Variants in TRAP1 observed in about 807,000 individuals in gnomAD.
TRAP1 encodes the protein TNF receptor associated protein 1, also known as heat shock protein 75 kDa, mitochondrial.
TRAP1 carries 102 observed loss-of-function variants against 89.1 expected under a neutral mutation model. The observed-to-expected ratio is 1.15, with a 90% CI of 0.98 to 1.35. The LOEUF (loss-of-function observed/expected upper bound fraction) is 1.35, where lower values mean the gene tolerates loss of function less well. Ranked by LOEUF, TRAP1 falls within the 40% of genes most tolerant of loss-of-function variation. TRAP1 has a pLI of 0.00. For synonymous variants in TRAP1, 508 were observed against 388.0 expected (o/e 1.31, Z -3.64); for missense variants, 1,256 against 945.3 (o/e 1.33, Z -4.31).
intron 1 of TRAP1, among the ~76,000 whole-genome samples, chr16:3,698,495 G>A (rs1023267009): frequency 1.3e-5 from 2 of 151,646 alleles, no homozygotes; most frequent in Non-Finnish European, 2.9e-5. Flanking sequence ...GTAGAGATGG[G>A]GTTTCACCGT....
chr16:3,710,879 ATT>A (rs1181110685), intron 1 of TRAP1, among the ~76,000 whole-genome samples: 90 of 125,786 alleles, frequency 7.2e-4, no homozygotes, highest in East Asian at 1.2e-3. Flanking sequence ...ATATATATAT[ATT>A]TTTTTTTTTG....
At chr16:3,711,497 G>A (rs1469954205) in intron 1 of TRAP1, among the ~76,000 whole-genome samples, 1 of 152,062 alleles carries the variant, frequency 6.6e-6, no homozygotes, top group Admixed American at 6.6e-5. Flanking sequence ...TACTTGGGAG[G>A]CTGAGGCAGG....
At chr16:3,677,400 T>C in intron 6 of TRAP1, 98 bp downstream of exon 6, 1 of 1,489,122 alleles carries the variant, frequency 6.7e-7, no homozygotes. Context: ...GCCCAGAAAA[T>C]GCCTGTGTAC....
At position 3,659,054 on chromosome 16, in the gene TRAP1, G is replaced by GT. The variant is rs1348666718; in HGVS notation, c.1941-190dup. On this transcript the variant is annotated intron_variant, in intron 16 of 17. Coordinates refer to ENST00000246957, the MANE Select transcript of TRAP1 (RefSeq NM_016292.3). ...CCCAGAAAACCCAAGAGAATCAGGAGTGTCAGTATTAGAAAATGCTGTAAG... is the reference window on the plus strand; with the variant it reads ...CCCAGAAAACCCAAGAGAATCAGGAGTTGTCAGTATTAGAAAATGCTGTAAG... 8.3e-6 allele frequency: 5 copies of GT among 603,412 alleles called. No homozygotes were observed. The African/African-American group carries it at 9.4e-5, about 11-fold the overall frequency. The allele number at this position is 603,412 out of a possible 1,614,324, so 37.4% of individuals were successfully genotyped here.
chr16:3,697,447 G>A (rs190573103), intron 1 of TRAP1, among the ~76,000 whole-genome samples: 6 of 152,008 alleles, frequency 3.9e-5, no homozygotes, highest in Non-Finnish European at 7.4e-5. Flanking sequence ...GGAGGATCAC[G>A]AGGTCAGGAG....
intron 1 of TRAP1, among the ~76,000 whole-genome samples, chr16:3,696,206 AC>A (rs2051285163): frequency 6.6e-6 from 1 of 151,984 alleles, no homozygotes; most frequent in South Asian, 2.1e-4. Flanking sequence ...GTTTGTGAAT[AC>A]CTCTCTCCAA....
chr16:3,717,385 G>T, intron 1 of TRAP1, 36 bp downstream of exon 1: 2 of 928,684 alleles, frequency 2.2e-6, no homozygotes, highest in Middle Eastern at 3.9e-4. Flanking sequence ...CCGTGGCCCG[G>T]CCCGCCCGCT....
intron 2 of TRAP1, among the ~76,000 whole-genome samples, chr16:3,690,371 C>G (rs1190615351): frequency 6.6e-6 from 1 of 152,144 alleles, no homozygotes; most frequent in African/African-American, 2.4e-5. Flanking sequence ...GAAAACCTCA[C>G]TTCTCTTTTT....
At chr16:3,683,191 C>T (rs2051095488) in intron 4 of TRAP1, among the ~76,000 whole-genome samples, 1 of 151,656 alleles carries the variant, frequency 6.6e-6, no homozygotes, top group Admixed American at 6.6e-5. Context: ...TCTTCCCGGT[C>T]ATCAAAAACA....
rs988475010 is a variant in TRAP1 at position 3,686,255 on chromosome 16, G to C, written c.331-119C>G. On this transcript the variant is annotated intron_variant, in intron 3 of 17. Transcript: ENST00000246957. Reference sequence around the variant, plus strand: ...TAGAGGAGAATAGTCAATTCTCAAAGCATAAAGAGTTTCTGCTTTAGTCAA... The same window carrying C: ...TAGAGGAGAATAGTCAATTCTCAAACCATAAAGAGTTTCTGCTTTAGTCAA... 1.5e-5 allele frequency: 18 copies of C among 1,224,390 alleles called. No homozygotes were observed. In the African/African-American group the frequency reaches 2.1e-4, roughly 14 times the overall value. The allele number at this position is 1,224,390 out of a possible 1,614,324, so 75.8% of individuals were successfully genotyped here.
At chr16:3,671,657 G>T in intron 11 of TRAP1, 65 bp downstream of exon 11, 1 of 1,559,798 alleles carries the variant, frequency 6.4e-7, no homozygotes, top group East Asian at 2.3e-5. Context: ...GGGCCCTCTG[G>T]GGGCAAAGGA....
chr16:3,690,445 G>A (rs1047654330), intron 2 of TRAP1, among the ~76,000 whole-genome samples: 3 of 152,218 alleles, frequency 2.0e-5, no homozygotes, highest in Admixed American at 2.0e-4. Flanking sequence ...CTTCAGGACT[G>A]GCTCCAAAGA....
Position 3,662,148 on chromosome 16 carries a change from G to C in TRAP1, c.1795-16C>G. 2 of 1,606,112 alleles carry C rather than the reference G, an allele frequency of 1.2e-6. No homozygotes were observed. Among genetic ancestry groups the C allele is most frequent in the Non-Finnish European group, 8.5e-7 (1 of 1,175,650 alleles). ...GGAGGGTCACCTGTGAGCAAAGCCCGGGGTTGAGGGTGATAGAGGTTCCCA... is the reference window on the plus strand; with the variant it reads ...GGAGGGTCACCTGTGAGCAAAGCCCCGGGTTGAGGGTGATAGAGGTTCCCA... On this transcript the variant is annotated splice_polypyrimidine_tract_variant and intron_variant, in intron 15 of 17. Transcript: ENST00000246957.
chr16:3,659,874 C>T (rs1025632900), intron 16 of TRAP1: 2 of 152,134 alleles, frequency 1.3e-5, no homozygotes, highest in Admixed American at 1.3e-4. Flanking sequence ...CTCAGCCTCC[C>T]AAGTAACTGG....
chr16:3,659,121 G>A, intron 16 of TRAP1: 1 of 418,994 alleles, frequency 2.4e-6, no homozygotes. Flanking sequence ...AGGGACAAAA[G>A]GAGCTTAGTA....
rs147135526 is a variant in TRAP1, at chr16:3,664,366, C to T, written c.1477G>A (p.Gly493Ser). Residue 493 changes from glycine (G) to serine (S), a missense_variant, in exon 13 of 18, where the codon GGC becomes AGC. Physicochemically the swap from Gly to Ser is moderately conservative, Grantham distance 56. Transcript: ENST00000246957. ...CACAGGTAGTAGATGTTGCGGGTGC[C>T]GGCCCGCATGCGGCTGGCGTATTCT... ...LSEYASRMRAGTRNIYYLCAP... is the reference protein window; with the variant it reads ...LSEYASRMRASTRNIYYLCAP... The T allele has an allele frequency of 7.6e-5, 122 of 1,612,748 alleles. No homozygotes were observed. The highest frequency in any genetic ancestry group is 2.8e-4 in the Admixed American group (17 of 59,818).
chr16:3,666,239 G>T, intron 11 of TRAP1, 121 bp from the exon 12 acceptor site: 1 of 1,249,570 alleles, frequency 8.0e-7, no homozygotes, highest in Non-Finnish European at 1.1e-6. Flanking sequence ...ACAAGGTACC[G>T]TTATTGGCCA....
At chr16:3,659,938 TGAG>T (rs2042975045) in intron 16 of TRAP1, 1 of 152,078 alleles carries the variant, frequency 6.6e-6, no homozygotes, top group African/African-American at 2.4e-5. Context: ...TTAGTAGAGA[TGAG>T]GTCTCGAACT....
intron 1 of TRAP1, among the ~76,000 whole-genome samples, chr16:3,697,964 T>G (rs1271596222): frequency 1.4e-5 from 2 of 146,634 alleles, no homozygotes; most frequent in Non-Finnish European, 3.0e-5. Flanking sequence ...AACTTTTGTG[T>G]TTTTTTGTTT....
Sources: gnomAD v4.1 joint callset for allele counts (sites outside exome capture counted in the v4.1 genomes callset) on GRCh38, gnomAD v4.1.1 for gene constraint, MANE v1.5 for transcripts, NCBI Gene and HGNC (gene_info 2026-07-23, HGNC 2026-07-21) for gene names.